Variants in CADM2 observed in about 807,000 individuals in gnomAD.
CADM2 encodes the protein cell adhesion molecule 2.
A neutral mutation model predicts 49.8 loss-of-function variants in CADM2; 12 were observed. That is an observed-to-expected ratio of 0.24 (90% confidence interval 0.15 to 0.39). The LOEUF (loss-of-function observed/expected upper bound fraction) is 0.39, where lower values mean the gene tolerates loss of function less well. Ranked by LOEUF, CADM2 falls within the 10% of genes least tolerant of loss-of-function variation. The pLI is 1.00. For synonymous variants in CADM2, 214 were observed against 175.4 expected (o/e 1.22, Z -1.74); for missense variants, 378 against 492.3 (o/e 0.77, Z 2.20).
intron 8 of CADM2, among the ~76,000 whole-genome samples, chr3:86,011,123 G>A (rs2106910629): frequency 6.6e-6 from 1 of 152,080 alleles, no homozygotes; most frequent in East Asian, 1.9e-4. Flanking sequence ...TTTGTATAAT[G>A]TCGCCACATC....
intron 1 of CADM2, among the ~76,000 whole-genome samples, chr3:85,453,584 A>C (rs977092510): frequency 2.0e-5 from 3 of 152,094 alleles, no homozygotes; most frequent in African/African-American, 7.2e-5. Context: ...TTTTCATCCC[A>C]AATTTTTTTT....
At chr3:85,141,041 A>G (rs2039561877) in intron 1 of CADM2, among the ~76,000 whole-genome samples, 1 of 152,138 alleles carries the variant, frequency 6.6e-6, no homozygotes, top group Non-Finnish European at 1.5e-5. Flanking sequence ...GAGACTAAAT[A>G]TATGTATTAG....
intron 1 of CADM2, among the ~76,000 whole-genome samples, chr3:85,515,425 CT>C (rs10662116): frequency 1.1e-4 from 16 of 141,710 alleles, no homozygotes; most frequent in African/African-American, 3.4e-4. Context: ...TTGTTTGTTT[CT>C]TTTTTTTTTT....
chr3:85,373,432 C>T (rs890899326), intron 1 of CADM2, among the ~76,000 whole-genome samples: 2 of 152,080 alleles, frequency 1.3e-5, no homozygotes, highest in South Asian at 2.1e-4. Flanking sequence ...GGGTATAGTT[C>T]CCCTCCTGGC....
intron 2 of CADM2, among the ~76,000 whole-genome samples, chr3:85,743,632 G>T (rs1364379789): frequency 6.6e-6 from 1 of 152,040 alleles, no homozygotes; most frequent in Non-Finnish European, 1.5e-5. Context: ...GTAAAAAAAA[G>T]AATTCACTAC....
At chr3:85,494,124 A>G (rs1477469154) in intron 1 of CADM2, among the ~76,000 whole-genome samples, 2 of 152,122 alleles carry the variant, frequency 1.3e-5, no homozygotes, top group Non-Finnish European at 2.9e-5. Context: ...GTTATTCTAA[A>G]TTGAAGGAAT....
intron 1 of CADM2, among the ~76,000 whole-genome samples, chr3:85,506,982 C>G (rs12492689): frequency 2.6e-5 from 4 of 151,930 alleles, no homozygotes; most frequent in Non-Finnish European, 5.9e-5. Context: ...AATAATTTAT[C>G]TAAAACAAGG....
intron 1 of CADM2, among the ~76,000 whole-genome samples, chr3:85,653,053 G>T (rs562229657): frequency 1.3e-5 from 2 of 151,714 alleles, no homozygotes. Context: ...GATTACAGGC[G>T]TGAGCCACCG....
At chr3:86,028,363 G>T (rs761967745) in intron 8 of CADM2, among the ~76,000 whole-genome samples, 7 of 151,948 alleles carry the variant, frequency 4.6e-5, no homozygotes, top group Non-Finnish European at 1.0e-4. Context: ...TGGGTTAAGG[G>T]GCTATTAATT....
chr3:85,905,269 G>A (rs770332387), intron 5 of CADM2, among the ~76,000 whole-genome samples: 10 of 152,114 alleles, frequency 6.6e-5, no homozygotes, highest in Non-Finnish European at 1.0e-4. Context: ...ATAGATCTGC[G>A]TAAAAGAAAA....
At chr3:85,966,327 G>T (rs972602976) in intron 8 of CADM2, among the ~76,000 whole-genome samples, 1 of 151,806 alleles carries the variant, frequency 6.6e-6, no homozygotes, top group East Asian at 2.0e-4. Flanking sequence ...GAGTTGAGAT[G>T]CACTATTCCA....
chr3:85,410,106 T>A (rs2035587991), intron 1 of CADM2, among the ~76,000 whole-genome samples: 1 of 152,164 alleles, frequency 6.6e-6, no homozygotes, highest in Admixed American at 6.5e-5. Context: ...GGCTGCCAAG[T>A]TTGGTCCAGC....
chr3:85,784,034 TCA>T (rs992497957), intron 2 of CADM2, among the ~76,000 whole-genome samples: 4 of 151,698 alleles, frequency 2.6e-5, no homozygotes, highest in Admixed American at 6.6e-5. Context: ...GATCTCTCTC[TCA>T]CACACACACA....
At chr3:85,609,943 T>C (rs1299448701) in intron 1 of CADM2, among the ~76,000 whole-genome samples, 1 of 152,082 alleles carries the variant, frequency 6.6e-6, no homozygotes, top group Admixed American at 6.6e-5. Context: ...AAAGAGGCAC[T>C]ACATTTTTTT....
At chr3:85,482,604 A>C (rs2107630081) in intron 1 of CADM2, among the ~76,000 whole-genome samples, 1 of 151,692 alleles carries the variant, frequency 6.6e-6, no homozygotes, top group South Asian at 2.1e-4. Context: ...AACATGTTAG[A>C]TGTGGTGTTT....
At chr3:86,045,243 G>A (rs1303806242) in intron 8 of CADM2, among the ~76,000 whole-genome samples, 2 of 151,850 alleles carry the variant, frequency 1.3e-5, no homozygotes, top group Non-Finnish European at 2.9e-5. Context: ...AAATATATAG[G>A]TACAGCAAAT....
chr3:86,049,118 C>G (rs1011513657), intron 8 of CADM2, among the ~76,000 whole-genome samples: 7 of 151,864 alleles, frequency 4.6e-5, no homozygotes, highest in Non-Finnish European at 1.0e-4. Flanking sequence ...AAGTTAAAAA[C>G]AGTTATGATT....
intron 1 of CADM2, among the ~76,000 whole-genome samples, chr3:85,461,118 T>A (rs1218185536): frequency 6.6e-6 from 1 of 152,126 alleles, no homozygotes; most frequent in Non-Finnish European, 1.5e-5. Context: ...ATGCTCTGCC[T>A]CCATTCATTT....
intron 1 of CADM2, among the ~76,000 whole-genome samples, chr3:85,371,912 T>C (rs1465216532): frequency 6.6e-6 from 1 of 151,466 alleles, no homozygotes. Flanking sequence ...AGGAGAACTG[T>C]ATATGTAAAA....
Sources: gnomAD v4.1 joint callset for allele counts (sites outside exome capture counted in the v4.1 genomes callset) on GRCh38, gnomAD v4.1.1 for gene constraint, MANE v1.5 for transcripts, NCBI Gene and HGNC (gene_info 2026-07-23, HGNC 2026-07-21) for gene names.